SAGE1: variants seen among roughly 807,000 people sequenced by gnomAD.
SAGE1 encodes the protein sarcoma antigen 1.
Under a neutral mutation model 55.4 loss-of-function variants are expected in SAGE1, and 55 were observed. The observed-to-expected ratio is 0.99, with a 90% CI of 0.80 to 1.24. The LOEUF is 1.24. Among genes scored for constraint, SAGE1 ranks in the 50% most tolerant of loss-of-function variants. The probability of loss-of-function intolerance (pLI) is 0.00; values close to 1 mark genes in which losing one functional copy is unlikely to be tolerated. For synonymous variants in SAGE1, 240 were observed against 244.3 expected, an observed-to-expected ratio of 0.98 and a Z score of 0.17; for missense variants, 710 against 704.4, an observed-to-expected ratio of 1.01 and a Z score of -0.09.
At chrX:135,909,985 A>G (rs782454932) in intron 14 of SAGE1, 45 bp from the exon 15 acceptor site, 18 of 1,175,188 alleles carry the variant, frequency 1.5e-5, no homozygotes, top group Non-Finnish European at 2.1e-5. Context: ...TGGGGTTGAC[A>G]TAATGCACTT....
intron 3 of SAGE1, 21 bp from the exon 4 acceptor site, chrX:135,904,456 A>G (rs782784032): frequency 7.9e-6 from 9 of 1,134,082 alleles, no homozygotes; most frequent in Non-Finnish European, 1.1e-5. Context: ...TCACAGCTCA[A>G]CCACTTCATT....
chrX:135,911,199 C>T lies in SAGE1; in HGVS notation c.2013C>T (p.Thr671=), dbSNP rs2088892478. ...TCTTCATTTTGTTTCCAGATGTCAC[C>T]GCCACTCACAGTGTCCATGAGGAGA... ...SSTITRDLYV[T]ATHSVHEEKM... Residue 671 remains threonine (T), a synonymous_variant, in exon 17 of 20, where the codon ACC becomes ACT. Transcript: ENST00000370709. The T allele has an allele frequency of 7.4e-6, 9 of 1,209,891 alleles. No homozygotes were observed. Among genetic ancestry groups the T allele is most frequent in the African/African-American group, 1.7e-5 (1 of 57,663 alleles).
chrX:135,903,362 A>G (rs1189816614), intron 3 of SAGE1, among the ~76,000 whole-genome samples: 10 of 112,279 alleles, frequency 8.9e-5, no homozygotes, highest in African/African-American at 3.2e-4. Context: ...CACCAGCCCA[A>G]TGCTGCTTGT....
At position 135,908,971 on chromosome X, in the gene SAGE1, G is replaced by A. The variant is rs782511016; in HGVS notation, c.1549G>A (p.Gly517Ser). ...ACCACAGCTTGGTCATATGGCTGCA[G>A]GTGGTATTCCATCCATGAGTACCAA... Reference protein sequence around the residue: ...DAPQLGHMAAGGIPSMSTKDL... With the variant: ...DAPQLGHMAASGIPSMSTKDL... Residue 517 changes from glycine (G) to serine (S), a missense_variant, in exon 13 of 20, where the codon GGT becomes AGT. Transcript: ENST00000370709. The A allele has an allele frequency of 3.3e-6, 4 of 1,209,913 alleles. No homozygotes were observed. The highest frequency in any genetic ancestry group is 2.2e-5 in the Admixed American group (1 of 46,017).
intron 3 of SAGE1, among the ~76,000 whole-genome samples, chrX:135,902,963 A>T (rs1569521112): frequency 1.8e-5 from 2 of 111,741 alleles, no homozygotes; most frequent in Admixed American, 1.9e-4. Context: ...TTATTTCAGC[A>T]CGTAAATCAC....
In SAGE1 at chrX:135,910,514, T is replaced by C. The variant is rs143868060; in HGVS notation, c.1964T>C (p.Met655Thr). 3 of 1,209,064 alleles carry C rather than the reference T, an allele frequency of 2.5e-6. No individual in the cohort carries two copies. The African/African-American group carries it at 5.2e-5, about 21-fold the overall frequency. ...LSTAPPWLRH[M>T]AAAGISSTIT... is the part of the protein sequence containing the mutation. ...ACTGCTCCTCCATGGCTTCGTCATATGGCAGCAGCTGGAATTTCATCCACG... is the reference window on the plus strand; with the variant it reads ...ACTGCTCCTCCATGGCTTCGTCATACGGCAGCAGCTGGAATTTCATCCACG... The change falls in exon 16 of 20, where the codon ATG (methionine) becomes ACG (threonine). Residue 655 changes from methionine to threonine, a missense_variant. Physicochemically the swap from Met to Thr is moderately conservative, Grantham distance 81 (BLOSUM62 -1). Coordinates refer to ENST00000370709, the MANE Select transcript of SAGE1 (RefSeq NM_001381902.1).
intron 10 of SAGE1, 62 bp downstream of exon 10, chrX:135,907,903 A>G (rs1196510777): frequency 8.9e-7 from 1 of 1,122,444 alleles, no homozygotes; most frequent in Non-Finnish European, 1.2e-6. Context: ...TATTGTCATC[A>G]AGGGAAGAAG....
chrX:135,902,088 CT>C (rs1487170473), intron 3 of SAGE1, among the ~76,000 whole-genome samples: 2 of 111,918 alleles, frequency 1.8e-5, no homozygotes, highest in Admixed American at 1.9e-4. Flanking sequence ...CCCCAGACAC[CT>C]GGATTTCTTA....
intron 16 of SAGE1, 142 bp from the exon 17 acceptor site, chrX:135,911,050 A>G: frequency 3.2e-6 from 2 of 618,311 alleles, no homozygotes; most frequent in Non-Finnish European, 5.0e-6. Flanking sequence ...GCTTGCCTCA[A>G]TTTCAGGGTC....
Position 135,901,622 on chromosome X carries a change from A to G in SAGE1, c.151A>G (p.Arg51Gly), listed in dbSNP as rs2088681296. 2 of 1,206,683 alleles carry G rather than the reference A, an allele frequency of 1.7e-6. No homozygotes were observed. The highest frequency in any genetic ancestry group is 2.2e-6 in the Non-Finnish European group (2 of 892,189). ...TGHQSKKKHS[R>G]KSKRHSSSKR... ...GCATCAAAGCAAAAAGAAACATTCC[A>G]GAAAATCCAAGAGACACTCTTCATC... The change falls in exon 3 of 20, where the codon AGA (arginine) becomes GGA (glycine). Residue 51 changes from arginine (R) to glycine (G), a missense_variant. By Grantham distance (125) the Arg-to-Gly change is moderately radical (BLOSUM62 -2). Transcript: ENST00000370709.
rs1836919846 is a variant in SAGE1 at position 135,896,542 on chromosome X, A to ATTTTG, written c.87+217_87+218insGTTTT. On this transcript the variant is annotated intron_variant, in intron 2 of 19. Coordinates refer to ENST00000370709, the MANE Select transcript of SAGE1 (RefSeq NM_001381902.1). ...GAACTGATTTATTTTATTTTATTTTATTTTATTTTATTTATATCTTTTTTT... is the reference window on the plus strand; with the variant it reads ...GAACTGATTTATTTTATTTTATTTTATTTTGTTTTATTTTATTTATATCTTTTTTT... Among the ~76,000 whole-genome samples the ATTTTG allele has an allele frequency of 9.0e-5, 9 of 99,952 alleles. No individual in the cohort carries two copies. In the South Asian group the frequency reaches 3.9e-3, roughly 43 times the overall value. The allele number at this position is 99,952 out of a possible 115,157, so 86.8% of individuals were successfully genotyped here. A position where few individuals can be genotyped will look rare whatever the true frequency, so the allele number is the denominator to read the frequency against.
In SAGE1 at chrX:135,908,242, A is replaced by G. The variant is rs2088831358; in HGVS notation, c.1300+13A>G. The G allele has an allele frequency of 6.7e-6, 8 of 1,187,174 alleles. No homozygotes were observed. The highest frequency in any genetic ancestry group is 9.1e-6 in the Non-Finnish European group (8 of 876,411). The stretch of plus-strand genomic sequence containing the variant: ...ACCAGGGATCAGTGTATGTTTGCTT[A>G]CTAGTTGTACTATCCTACTTGGTTT... On this transcript the variant is annotated intron_variant, in intron 11 of 19. Coordinates refer to ENST00000370709, the MANE Select transcript of SAGE1 (RefSeq NM_001381902.1).
intron 13 of SAGE1, 94 bp downstream of exon 13, chrX:135,909,098 C>A: frequency 1.2e-6 from 1 of 818,807 alleles, no homozygotes; most frequent in Non-Finnish European, 1.8e-6. Flanking sequence ...TATATTCTTT[C>A]CTAACCTCAA....
At chrX:135,910,687 G>A (rs1170245396) in intron 16 of SAGE1, 132 bp downstream of exon 16, 3 of 549,416 alleles carry the variant, frequency 5.5e-6, no homozygotes, top group African/African-American at 2.3e-5. Flanking sequence ...TGTCCACCTG[G>A]CATATCCTTG....
At chrX:135,899,017 T>G (rs2088629969) in intron 2 of SAGE1, among the ~76,000 whole-genome samples, 1 of 112,516 alleles carries the variant, frequency 8.9e-6, no homozygotes, top group South Asian at 3.6e-4. Context: ...ATTTGTCAAC[T>G]TTTGCTTTTG....
chrX:135,912,398 A>G lies in SAGE1; in HGVS notation c.2599A>G (p.Ile867Val), dbSNP rs143701951. 1.2e-4 allele frequency: 139 copies of G among 1,204,801 alleles called. No individual in the cohort carries two copies. The African/African-American group carries it at 1.8e-3, about 15-fold the overall frequency. ...CAAGAGACAATTTGTTGAATTTACC[A>G]TCAAGGAAGCAGCAAGGTGAGTGCA... ...KVKRQFVEFT[I>V]KEAARFKKVV... The change falls in exon 19 of 20, where the codon ATC (isoleucine) becomes GTC (valine). Residue 867 changes from isoleucine (I) to valine (V), a missense_variant. Ile to Val is a conservative substitution (Grantham distance 29). Transcript: ENST00000370709.
chrX:135,903,557 T>A (rs1228704775), intron 3 of SAGE1, among the ~76,000 whole-genome samples: 11 of 112,424 alleles, frequency 9.8e-5, no homozygotes, highest in Admixed American at 1.9e-4. Context: ...TCACTTTTTC[T>A]AGATAAAAGG....
At chrX:135,909,914 A>G (rs2088865152) in intron 14 of SAGE1, 116 bp from the exon 15 acceptor site, 1 of 996,567 alleles carries the variant, frequency 1.0e-6, no homozygotes, top group Non-Finnish European at 1.4e-6. Context: ...GCCATCTGGC[A>G]TATCCTCTCC....
In SAGE1 at chrX:135,907,760, A is replaced by G. The variant is rs2088822364; in HGVS notation, c.1078A>G (p.Ser360Gly). 1.7e-6 allele frequency: 2 copies of G among 1,206,375 alleles called. No individual in the cohort carries two copies. The highest frequency in any genetic ancestry group is 1.8e-5 in the African/African-American group (1 of 56,892). The change falls in exon 10 of 20, where the codon AGT becomes GGT. Residue 360 changes from serine to glycine, a missense_variant. Coordinates refer to ENST00000370709, the MANE Select transcript of SAGE1 (RefSeq NM_001381902.1). ...ERVVNNQPLP[S>G]NALSTVLPGL... ...AGTGGTAAATAACCAACCACTACCTAGTAACGCCTTGTCAACTGTTCTACC... is the reference window on the plus strand; with the variant it reads ...AGTGGTAAATAACCAACCACTACCTGGTAACGCCTTGTCAACTGTTCTACC...
Sources: gnomAD v4.1 joint callset for allele counts (sites outside exome capture counted in the v4.1 genomes callset) on GRCh38, gnomAD v4.1.1 for gene constraint, MANE v1.5 for transcripts, NCBI Gene and HGNC (gene_info 2026-07-23, HGNC 2026-07-21) for gene names.